The following NDUFAF6 variants were observed in gnomAD, a reference collection of about 807,000 sequenced individuals.
NDUFAF6 encodes the protein NADH:ubiquinone oxidoreductase complex assembly factor 6.
NDUFAF6 carries 45 observed loss-of-function variants against 40.8 expected under a neutral mutation model. The observed-to-expected ratio is 1.10, with a 90% CI of 0.87 to 1.42. NDUFAF6 has a LOEUF of 1.42. NDUFAF6 is among the 40% of genes most tolerant of loss of function. NDUFAF6 has a pLI of 0.00. For missense variants in NDUFAF6, 435 were observed against 418.5 expected (o/e 1.04, Z -0.34); for synonymous variants, 185 against 155.9 (o/e 1.19, Z -1.39).
intron 2 of NDUFAF6, among the ~76,000 whole-genome samples, chr8:94,946,719 A>AAAAAAAAAAAAAC: frequency 6.7e-6 from 1 of 149,268 alleles, no homozygotes; most frequent in African/African-American, 2.5e-5. Flanking sequence ...AAAAAAAAAA[A>AAAAAAAAAAAAAC]AGACAGGCCC....
chr8:94,927,289 G>T (rs996446384), intron 1 of NDUFAF6: 1 of 152,492 alleles, frequency 6.6e-6, no homozygotes, highest in Non-Finnish European at 1.5e-5. Context: ...CATTGAGGAG[G>T]AAGAGAAGTA....
chr8:94,989,652 C>G (rs1385317221), intron 2 of NDUFAF6, among the ~76,000 whole-genome samples: 1 of 152,196 alleles, frequency 6.6e-6, no homozygotes, highest in East Asian at 1.9e-4. Context: ...TACCAGCCCA[C>G]AAATTCAGGT....
chr8:95,045,703 T>G, intron 5 of NDUFAF6, 56 bp downstream of exon 5: 1 of 1,411,918 alleles, frequency 7.1e-7, no homozygotes, highest in South Asian at 1.2e-5. Flanking sequence ...CTATGAGATT[T>G]CACTTTTTCA....
At chr8:95,041,463 C>T (rs1830136548) in intron 3 of NDUFAF6, 107 bp from the exon 4 acceptor site, 3 of 774,424 alleles carry the variant, frequency 3.9e-6, no homozygotes, top group South Asian at 3.0e-5. Flanking sequence ...GATGTTATTA[C>T]AAATGTTCCC....
rs922138593 is a variant in NDUFAF6 at position 95,025,061 on chromosome 8, C to T, written c.53C>T (p.Pro18Leu). 7.0e-6 allele frequency: 10 copies of T among 1,429,866 alleles called. No individual in the cohort carries two copies. Among genetic ancestry groups the T allele is most frequent in the South Asian group, 1.5e-5 (1 of 67,564 alleles). 88.6% of individuals were successfully genotyped at this position (1,429,866 alleles called of 1,614,324 possible). A position where few individuals can be genotyped will look rare whatever the true frequency, so the allele number is the denominator to read the frequency against. Residue 18 changes from proline (P) to leucine (L), a missense_variant, in exon 1 of 9, where the codon CCC becomes CTC. Transcript: ENST00000396124. ...SVWGPLRLGI[P>L]GLCCRRPPLG... ...TGGGGGCCGTTGCGGCTTGGCATCC[C>T]CGGCCTGTGCTGCCGCCGGCCGCCT...
downstream of NDUFAF6, among the ~76,000 whole-genome samples, chr8:95,104,822 A>G (rs1809769230): frequency 6.6e-6 from 1 of 152,086 alleles, no homozygotes; most frequent in African/African-American, 2.4e-5. Context: ...GAGCAGCACT[A>G]CATTGGTTGG....
chr8:94,925,063 A>G (rs1392945688), intron 1 of NDUFAF6, among the ~76,000 whole-genome samples: 2 of 152,124 alleles, frequency 1.3e-5, no homozygotes, highest in East Asian at 3.9e-4. Flanking sequence ...CTTTCATTTC[A>G]ACCTGCTGCT....
intron 2 of NDUFAF6, chr8:95,101,316 G>GC (rs1809638994): frequency 6.6e-6 from 1 of 152,168 alleles, no homozygotes; most frequent in South Asian, 2.1e-4. Flanking sequence ...ATTTCTGCAA[G>GC]CATAATAGTA....
At chr8:95,043,086 CTTT>C (rs113805309) in intron 4 of NDUFAF6, among the ~76,000 whole-genome samples, 5 of 132,558 alleles carry the variant, frequency 3.8e-5, no homozygotes, top group Admixed American at 7.6e-5. Flanking sequence ...GCAGTGGTTT[CTTT>C]TTTTTTTTTT....
intron 9 of NDUFAF6, among the ~76,000 whole-genome samples, chr8:95,064,667 A>G (rs558373875): frequency 6.6e-6 from 1 of 151,954 alleles, no homozygotes; most frequent in African/African-American, 2.4e-5. Context: ...CAGGCCTCGG[A>G]AAACAATCTC....
At chr8:95,056,397 G>A (rs565068999) in intron 8 of NDUFAF6, among the ~76,000 whole-genome samples, 1 of 152,018 alleles carries the variant, frequency 6.6e-6, no homozygotes, top group Admixed American at 6.5e-5. Context: ...TATTTTTTGA[G>A]AGATGGGGTT....
chr8:95,012,841 C>A (rs10110635), intron 2 of NDUFAF6, among the ~76,000 whole-genome samples: 21,931 of 151,660 alleles, frequency 0.14, 1,598 homozygotes, highest in Middle Eastern at 0.25. Context: ...ACAGCAAAAA[C>A]CCCTTTTAAT....
At chr8:94,962,741 T>C (rs1823692020) in intron 1 of NDUFAF6, among the ~76,000 whole-genome samples, 1 of 151,858 alleles carries the variant, frequency 6.6e-6, no homozygotes, top group Admixed American at 6.6e-5. Context: ...GCTTCCCAAA[T>C]TGCTTTTATG....
intron 3 of NDUFAF6, among the ~76,000 whole-genome samples, chr8:95,039,463 A>AGGG (rs113537333): frequency 6.7e-6 from 1 of 149,068 alleles, no homozygotes; most frequent in African/African-American, 2.5e-5. Flanking sequence ...AAAAAAAAAA[A>AGGG]GGGGGGGTTT....
At chr8:94,948,827 C>T (rs1321195493) in intron 2 of NDUFAF6, among the ~76,000 whole-genome samples, 1 of 152,052 alleles carries the variant, frequency 6.6e-6, no homozygotes, top group East Asian at 1.9e-4. Context: ...ACAAGCCACG[C>T]TCGGGGGAGG....
chr8:94,976,173 T>C (rs535578526), intron 1 of NDUFAF6, among the ~76,000 whole-genome samples: 77 of 123,848 alleles, frequency 6.2e-4, no homozygotes, highest in Admixed American at 3.9e-3. Context: ...CACTCCAGCC[T>C]GGGTGACAGA....
chr8:94,920,668 C>T (rs1264488631), intron 1 of NDUFAF6, among the ~76,000 whole-genome samples: 1 of 152,182 alleles, frequency 6.6e-6, no homozygotes, highest in Non-Finnish European at 1.5e-5. Flanking sequence ...AATGTCTGCC[C>T]AGGCATGGGT....
At chr8:95,057,310 A>G (rs886221453) in intron 8 of NDUFAF6, among the ~76,000 whole-genome samples, 1 of 152,196 alleles carries the variant, frequency 6.6e-6, no homozygotes, top group Non-Finnish European at 1.5e-5. Context: ...GTGGTGGGGA[A>G]AGGATGGGGT....
intron 1 of NDUFAF6, among the ~76,000 whole-genome samples, chr8:94,904,527 C>T (rs1014051985): frequency 1.6e-4 from 24 of 151,630 alleles, no homozygotes; most frequent in African/African-American, 5.8e-4. Context: ...TCTTCAGAGA[C>T]TCTAACTTTA....
Sources: gnomAD v4.1 joint callset for allele counts (sites outside exome capture counted in the v4.1 genomes callset) on GRCh38, gnomAD v4.1.1 for gene constraint, MANE v1.5 for transcripts, NCBI Gene and HGNC (gene_info 2026-07-23, HGNC 2026-07-21) for gene names.